The following NCKAP5 variants were observed in gnomAD, a reference collection of about 807,000 sequenced individuals.
The protein encoded by NCKAP5 is NCK associated protein 5, also known as nck-associated protein 5.
Under a neutral mutation model 167.0 loss-of-function variants are expected in NCKAP5, and 92 were observed. That is an observed-to-expected ratio of 0.55 (90% CI 0.47 to 0.66). The LOEUF (loss-of-function observed/expected upper bound fraction) is 0.66, where lower values mean the gene tolerates loss of function less well. Among genes scored for constraint, NCKAP5 ranks in the 30% least tolerant of loss-of-function variants. The pLI is 0.00. For missense variants in NCKAP5, 2,378 were observed against 2,315.0 expected, an observed-to-expected ratio of 1.03 and a Z score of -0.56; for synonymous variants, 891 against 877.4, an observed-to-expected ratio of 1.02 and a Z score of -0.27.
chr2:132,745,623 T>A (rs951211800), intron 16 of NCKAP5, among the ~76,000 whole-genome samples: 1 of 151,806 alleles, frequency 6.6e-6, no homozygotes, highest in Non-Finnish European at 1.5e-5. Flanking sequence ...GGAAAAGAAA[T>A]AAAAGGCATA....
chr2:133,201,612 A>C (rs1401096215), intron 5 of NCKAP5, among the ~76,000 whole-genome samples: 2 of 152,218 alleles, frequency 1.3e-5, no homozygotes, highest in Non-Finnish European at 2.9e-5. Context: ...AAGATATTCT[A>C]TACCTGGATC....
chr2:133,216,580 C>T (rs2086438637), intron 4 of NCKAP5, among the ~76,000 whole-genome samples: 1 of 152,068 alleles, frequency 6.6e-6, no homozygotes, highest in Admixed American at 6.6e-5. Flanking sequence ...TTCTACTAGA[C>T]TCAGCTGTGA....
At chr2:133,272,459 A>T (rs193101621) in intron 4 of NCKAP5, among the ~76,000 whole-genome samples, 11 of 152,340 alleles carry the variant, frequency 7.2e-5, no homozygotes, top group Non-Finnish European at 1.3e-4. Flanking sequence ...TTATTGACAT[A>T]AAGTGATCAA....
At chr2:133,437,782 C>T (rs544549837) in intron 3 of NCKAP5, among the ~76,000 whole-genome samples, 21 of 152,168 alleles carry the variant, frequency 1.4e-4, no homozygotes, top group Non-Finnish European at 2.9e-4. Flanking sequence ...CTCTCCAAGC[C>T]TGCTTTATAA....
intron 8 of NCKAP5, among the ~76,000 whole-genome samples, chr2:132,920,733 G>GTA (rs1229649639): frequency 5.6e-5 from 3 of 53,764 alleles, no homozygotes; most frequent in Admixed American, 2.9e-4. Context: ...ATATATATAT[G>GTA]TATATATATG....
intron 3 of NCKAP5, among the ~76,000 whole-genome samples, chr2:133,469,380 G>A (rs953842383): frequency 3.3e-5 from 5 of 152,182 alleles, no homozygotes; most frequent in Non-Finnish European, 7.4e-5. Context: ...CGAGAGATCC[G>A]CTGTTAGTCT....
the NCKAP5 span, among the ~76,000 whole-genome samples, chr2:133,621,227 A>G: frequency 6.6e-6 from 1 of 152,118 alleles, no homozygotes; most frequent in African/African-American, 2.4e-5. Flanking sequence ...AGAAACAAGT[A>G]CAATCCAAAC....
intron 8 of NCKAP5, among the ~76,000 whole-genome samples, chr2:132,895,071 T>TGC (rs1693038695): frequency 6.6e-6 from 1 of 152,118 alleles, no homozygotes; most frequent in Non-Finnish European, 1.5e-5. Context: ...GTGGCTCACA[T>TGC]CTGTAATCCC....
intron 19 of NCKAP5, among the ~76,000 whole-genome samples, chr2:132,686,828 C>T (rs1573862564): frequency 6.6e-6 from 1 of 151,992 alleles, no homozygotes; most frequent in Admixed American, 6.6e-5. Flanking sequence ...AATAACTCCC[C>T]CAGTAAGTAA....
In NCKAP5 at chr2:132,782,898, T is replaced by C. The variant is rs1415388879; in HGVS notation, c.3913A>G (p.Thr1305Ala). Residue 1305 changes from threonine to alanine, a missense_variant, in exon 14 of 20, where the codon ACC (threonine) becomes GCC (alanine). Physicochemically the swap from Thr to Ala is moderately conservative, Grantham distance 58. Around this residue, in one of 3 missense-constraint regions of NCKAP5, gnomAD observed 1,325 missense variants for 1,274.5 expected, o/e 1.04. Coordinates refer to ENST00000409261, the MANE Select transcript of NCKAP5 (RefSeq NM_207363.3). Reference sequence around the variant, plus strand: ...GTAAGAGAATTGCCTCTCTCGGCGGTATTGGTAATGATCTGAGTGCGGACT... The same window carrying C: ...GTAAGAGAATTGCCTCTCTCGGCGGCATTGGTAATGATCTGAGTGCGGACT... ...GKVRTQIITN[T>A]AERGNSLTRQ... 2 of 1,613,864 alleles carry C rather than the reference T, an allele frequency of 1.2e-6. No individual in the cohort carries two copies. The highest frequency in any genetic ancestry group is 8.5e-7 in the Non-Finnish European group (1 of 1,179,856).
At chr2:133,390,174 G>A (rs569983310) in intron 3 of NCKAP5, among the ~76,000 whole-genome samples, 101 of 152,182 alleles carry the variant, frequency 6.6e-4, no homozygotes, top group Non-Finnish European at 1.3e-3. Context: ...AACCCTCCAG[G>A]CCCACTGTGG....
chr2:133,406,484 C>A (rs1218370432), intron 3 of NCKAP5, among the ~76,000 whole-genome samples: 3 of 151,836 alleles, frequency 2.0e-5, no homozygotes, highest in Non-Finnish European at 4.4e-5. Context: ...AAAAAGAATC[C>A]TCCCCCTTTT....
At chr2:132,717,257 A>C (rs528962378) in intron 19 of NCKAP5, among the ~76,000 whole-genome samples, 16 of 152,344 alleles carry the variant, frequency 1.1e-4, no homozygotes, top group Admixed American at 5.2e-4. Context: ...AAACCTTTAA[A>C]ATGATCTAAA....
chr2:133,417,800 G>C (rs990559842), intron 3 of NCKAP5, among the ~76,000 whole-genome samples: 8 of 152,180 alleles, frequency 5.3e-5, no homozygotes, highest in African/African-American at 1.7e-4. Flanking sequence ...GGCCATAATG[G>C]TGAAAAAGCT....
chr2:133,193,118 G>C (rs1028377743), intron 5 of NCKAP5, among the ~76,000 whole-genome samples: 1 of 152,014 alleles, frequency 6.6e-6, no homozygotes, highest in Non-Finnish European at 1.5e-5. Context: ...ATTCTCCAAA[G>C]AATTATTCTG....
rs1691381667 is a variant in NCKAP5 at position 132,735,065 on chromosome 2, G to GGT, written c.5129-3016_5129-3015dup. On this transcript the variant is annotated intron_variant, in intron 16 of 19. Coordinates refer to ENST00000409261, the MANE Select transcript of NCKAP5 (RefSeq NM_207363.3). ...ATGCCTGGCATCTAGCTGGTTGTCT[G>GGT]GTCCTTTGCAGGATGCCTATGCAAC... Among the ~76,000 whole-genome samples the GGT allele has an allele frequency of 2.6e-5, 4 of 152,228 alleles. No homozygotes were observed. In the South Asian group the frequency reaches 8.3e-4, roughly 31 times the overall value.
chr2:133,377,841 A>T (rs62177662), intron 3 of NCKAP5, among the ~76,000 whole-genome samples: 25,975 of 152,170 alleles, frequency 0.17, 2,306 homozygotes, highest in Non-Finnish European at 0.2. Flanking sequence ...GGATGGAGCC[A>T]TCTGAGGGCT....
chr2:132,725,894 C>A, intron 18 of NCKAP5, 135 bp from the exon 19 acceptor site: 1 of 927,546 alleles, frequency 1.1e-6, no homozygotes, highest in African/African-American at 1.7e-5. Context: ...GCCCAGCCCG[C>A]CGCTCACCCG....
intron 2 of NCKAP5, among the ~76,000 whole-genome samples, chr2:133,541,299 A>G (rs1223299106): frequency 2.6e-5 from 4 of 152,120 alleles, no homozygotes; most frequent in Non-Finnish European, 5.9e-5. Flanking sequence ...TTAAAATCAC[A>G]ATATTTTAAA....
Sources: gnomAD v4.1 joint callset for allele counts (sites outside exome capture counted in the v4.1 genomes callset) on GRCh38, gnomAD v4.1.1 for gene constraint, gnomAD v4.1.1 regional missense constraint, MANE v1.5 for transcripts, NCBI Gene and HGNC (gene_info 2026-07-23, HGNC 2026-07-21) for gene names.